Variants in TNRC6A observed in about 807,000 individuals in gnomAD.
TNRC6A encodes the protein trinucleotide repeat containing adaptor 6A.
Under a neutral mutation model 221.2 loss-of-function variants are expected in TNRC6A, and 44 were observed. The observed-to-expected ratio is 0.20, with a 90% CI of 0.16 to 0.26. TNRC6A has a LOEUF of 0.26. Among genes scored for constraint, TNRC6A ranks in the 10% least tolerant of loss-of-function variants. The probability of loss-of-function intolerance (pLI) is 1.00; values close to 1 mark genes in which losing one functional copy is unlikely to be tolerated. For missense variants in TNRC6A, 2,199 were observed against 2,404.4 expected (o/e 0.91, Z 1.79); for synonymous variants, 847 against 838.5 (o/e 1.01, Z -0.18).
chr16:24,621,083 C>CAAA (rs56266931), intron 1 of TNRC6A, among the ~76,000 whole-genome samples: 24 of 42,666 alleles, frequency 5.6e-4, no homozygotes, highest in African/African-American at 1.0e-3. Flanking sequence ...GACGCCGTCT[C>CAAA]AAAAAAAAAA....
Position 24,788,938 on chromosome 16 carries a change from A to G in TNRC6A, c.590-294A>G, listed in dbSNP as rs2058034091. Among the ~76,000 whole-genome samples, 6 of 152,222 alleles carry G rather than the reference A, an allele frequency of 3.9e-5. No individual in the cohort carries two copies. The East Asian group carries it at 9.7e-4, about 25-fold the overall frequency. ...GCTGGGATTACAAGCGTGAGCCACCACGCCCGGCCCAAAATTCTTTTATTT... is the reference window on the plus strand; with the variant it reads ...GCTGGGATTACAAGCGTGAGCCACCGCGCCCGGCCCAAAATTCTTTTATTT... On this transcript the variant is annotated intron_variant, in intron 5 of 24. Transcript: ENST00000395799.
At chr16:24,676,854 C>T (rs1352731570) in intron 2 of TNRC6A, among the ~76,000 whole-genome samples, 1 of 152,140 alleles carries the variant, frequency 6.6e-6, no homozygotes, top group African/African-American at 2.4e-5. Flanking sequence ...TCTGAGTGCT[C>T]TTTCACCTTT....
chr16:24,756,338 T>G (rs2057250212), intron 3 of TNRC6A, among the ~76,000 whole-genome samples: 2 of 152,182 alleles, frequency 1.3e-5, no homozygotes, highest in South Asian at 4.1e-4. Flanking sequence ...GGAAAATTCT[T>G]TTTAATAATT....
chr16:24,704,664 C>CAAAAAAAAAAAAAA (rs58926085), intron 2 of TNRC6A, among the ~76,000 whole-genome samples: 103 of 69,454 alleles, frequency 1.5e-3, no homozygotes, highest in Non-Finnish European at 2.2e-3. Context: ...GACTCCGTCT[C>CAAAAAAAAAAAAAA]AAAAAAAAAA....
At chr16:24,785,427 T>C (rs2057945209) in intron 5 of TNRC6A, among the ~76,000 whole-genome samples, 1 of 152,252 alleles carries the variant, frequency 6.6e-6, no homozygotes, top group African/African-American at 2.4e-5. Context: ...TATATGACTT[T>C]AAATATTTTT....
intron 5 of TNRC6A, among the ~76,000 whole-genome samples, chr16:24,786,480 G>A (rs1027815533): frequency 9.9e-5 from 15 of 151,746 alleles, no homozygotes; most frequent in Admixed American, 3.9e-4. Flanking sequence ...CCACCACCAC[G>A]CCCAGCTAAT....
chr16:24,655,198 C>G (rs1054969538), intron 2 of TNRC6A, among the ~76,000 whole-genome samples: 1 of 152,038 alleles, frequency 6.6e-6, no homozygotes, highest in East Asian at 1.9e-4. Context: ...GAGAAGTGAT[C>G]GTGCCACTGC....
intron 5 of TNRC6A, among the ~76,000 whole-genome samples, chr16:24,780,432 GAAC>G (rs1326606199): frequency 6.6e-6 from 1 of 152,108 alleles, no homozygotes; most frequent in Non-Finnish European, 1.5e-5. Context: ...CTAAGTAAAA[GAAC>G]AACAACAATA....
At chr16:24,677,552 C>T (rs765360829) in intron 2 of TNRC6A, among the ~76,000 whole-genome samples, 7 of 152,286 alleles carry the variant, frequency 4.6e-5, no homozygotes, top group Non-Finnish European at 7.4e-5. Context: ...CGAGCTCCTC[C>T]CATCCGCTCA....
At chr16:24,779,376 T>A (rs1196545309) in intron 5 of TNRC6A, among the ~76,000 whole-genome samples, 3 of 152,210 alleles carry the variant, frequency 2.0e-5, no homozygotes, top group African/African-American at 7.2e-5. Context: ...TTTGTACTTT[T>A]GTCTCTTAAA....
rs148304509 is a variant in TNRC6A, at chr16:24,675,813, G to A, written n.402+34804G>A. On this transcript the variant is annotated intron_variant and non_coding_transcript_variant, in intron 2 of 2. Transcript: ENST00000566108. ...TTTTTGATATGGGAGTACCCACATA[G>A]GGTCTAGGAATTCATACCACCTCTT... Among the ~76,000 whole-genome samples the A allele has an allele frequency of 2.8e-3, 421 of 148,526 alleles. 2 individuals carry two copies. Among genetic ancestry groups the A allele is most frequent in the African/African-American group, 0.01 (406 of 40,386 alleles).
intron 2 of TNRC6A, among the ~76,000 whole-genome samples, chr16:24,652,684 A>T (rs1902738360): frequency 6.6e-6 from 1 of 152,206 alleles, no homozygotes; most frequent in South Asian, 2.1e-4. Context: ...AACTGGACCC[A>T]AACAGCATAT....
In TNRC6A at chr16:24,643,923, T is replaced by C. The variant is rs117496444; in HGVS notation, n.402+2914T>C. Among the ~76,000 whole-genome samples, 21 of 152,208 alleles carry C rather than the reference T, an allele frequency of 1.4e-4. No individual in the cohort carries two copies. The East Asian group carries it at 3.7e-3, about 27-fold the overall frequency. On this transcript the variant is annotated intron_variant and non_coding_transcript_variant, in intron 2 of 2. Coordinates refer to the TNRC6A transcript ENST00000566108. ...AACTTGGCTCCTTCAGCTTCCATAG[T>C]GGATGATGAGATGAGAGGGGCGACA...
intron 2 of TNRC6A, among the ~76,000 whole-genome samples, chr16:24,698,356 G>C (rs1567366487): frequency 6.6e-6 from 1 of 152,004 alleles, no homozygotes; most frequent in East Asian, 1.9e-4. Flanking sequence ...CCCAAGATTG[G>C]ATTAAATGCC....
Position 24,716,364 on chromosome 16 carries a change from C to T in TNRC6A, n.403-34362C>T, listed in dbSNP as rs8049304. On this transcript the variant is annotated intron_variant and non_coding_transcript_variant, in intron 2 of 2. Coordinates refer to the TNRC6A transcript ENST00000566108. ...TTGGCTGGAAACAGAAACTGTTATT[C>T]CTCATCAAACATATAATGAATGGGC... is the stretch of plus-strand genomic sequence containing the variant. Among the ~76,000 whole-genome samples the T allele has an allele frequency of 6.9e-3, 1,057 of 152,166 alleles. 11 individuals carry two copies. Among genetic ancestry groups the T allele is most frequent in the African/African-American group, 0.024 (1,010 of 41,524 alleles).
At chr16:24,694,422 G>A (rs1452038779) in intron 2 of TNRC6A, among the ~76,000 whole-genome samples, 3 of 151,842 alleles carry the variant, frequency 2.0e-5, no homozygotes, top group South Asian at 4.2e-4. Context: ...TTGGGAGGCC[G>A]AGGCCGGTGG....
chr16:24,628,035 A>C (rs1231145074), intron 1 of TNRC6A, among the ~76,000 whole-genome samples: 1 of 151,784 alleles, frequency 6.6e-6, no homozygotes, highest in African/African-American at 2.4e-5. Flanking sequence ...TTTATATGTA[A>C]AATTTGTATG....
At chr16:24,800,405 ATGGTAAGACCAG>A (rs1487983248) in intron 11 of TNRC6A, among the ~76,000 whole-genome samples, 1 of 152,184 alleles carries the variant, frequency 6.6e-6, no homozygotes, top group East Asian at 1.9e-4. Flanking sequence ...AATGGCATAT[ATGGTAAGACCAG>A]TTAATTCCAT....
intron 2 of TNRC6A, chr16:24,665,051 C>T (rs1311130387): frequency 2.2e-6 from 1 of 448,100 alleles, no homozygotes; most frequent in Admixed American, 2.4e-5. Context: ...GACAAACTAA[C>T]TTATTTATTT....
Sources: allele counts gnomAD v4.1 joint callset (sites outside exome capture counted in the v4.1 genomes callset), GRCh38; gene constraint gnomAD v4.1.1; transcripts MANE v1.5; gene names NCBI Gene and HGNC (gene_info 2026-07-23, HGNC 2026-07-21).